MYO1D: variants seen among roughly 807,000 people sequenced by gnomAD.
The protein encoded by MYO1D is myosin ID.
MYO1D carries 83 observed loss-of-function variants against 122.0 expected under a neutral mutation model. That is an observed-to-expected ratio of 0.68 (90% CI 0.57 to 0.82). The LOEUF is 0.82. Ranked by LOEUF, MYO1D falls within the 40% of genes least tolerant of loss-of-function variation. The probability of loss-of-function intolerance (pLI) is 0.00; values close to 1 mark genes in which losing one functional copy is unlikely to be tolerated. For synonymous variants in MYO1D, 464 were observed against 446.9 expected, an observed-to-expected ratio of 1.04 and a Z score of -0.48; for missense variants, 1,157 against 1,269.5, an observed-to-expected ratio of 0.91 and a Z score of 1.35.
chr17:32,688,776 T>C (rs777549245), intron 16 of MYO1D, among the ~76,000 whole-genome samples: 1 of 152,152 alleles, frequency 6.6e-6, no homozygotes, highest in Non-Finnish European at 1.5e-5. Context: ...ATTGTGATGC[T>C]GTGCAGATCC....
chr17:32,584,409 T>A (rs780092400), intron 21 of MYO1D, among the ~76,000 whole-genome samples: 9 of 152,200 alleles, frequency 5.9e-5, no homozygotes, highest in African/African-American at 2.2e-4. Flanking sequence ...ACACTGACTT[T>A]TACATTATTC....
At chr17:32,803,671 C>T (rs2090480182) in intron 1 of MYO1D, among the ~76,000 whole-genome samples, 1 of 152,174 alleles carries the variant, frequency 6.6e-6, no homozygotes, top group Non-Finnish European at 1.5e-5. Flanking sequence ...AGGCAATACA[C>T]ACTTTGCAAA....
intron 8 of MYO1D, 115 bp downstream of exon 8, chr17:32,764,763 G>T: frequency 9.1e-7 from 1 of 1,093,686 alleles, no homozygotes; most frequent in Non-Finnish European, 1.4e-6. Flanking sequence ...GTATCATTAT[G>T]GTTTCTAAAA....
chr17:32,661,790 A>C (rs776510731), intron 16 of MYO1D, among the ~76,000 whole-genome samples: 1 of 152,198 alleles, frequency 6.6e-6, no homozygotes, highest in Non-Finnish European at 1.5e-5. Flanking sequence ...CTACCTTCCC[A>C]ATCATAGTTA....
chr17:32,836,694 TACC>T (rs1472203976), intron 1 of MYO1D, among the ~76,000 whole-genome samples: 3 of 152,192 alleles, frequency 2.0e-5, no homozygotes, highest in East Asian at 1.9e-4. Flanking sequence ...TATAGGAATA[TACC>T]ACAATTTAAT....
At chr17:32,708,256 A>C (rs1004683239) in intron 16 of MYO1D, among the ~76,000 whole-genome samples, 6 of 152,336 alleles carry the variant, frequency 3.9e-5, no homozygotes, top group Non-Finnish European at 8.8e-5. Flanking sequence ...TCTTCTTTAT[A>C]TTATTTTAGA....
At position 32,748,997 on chromosome 17, in the gene MYO1D, A is replaced by G. The variant is rs745948202; in HGVS notation, c.1477T>C (p.Ser493Pro). ...CGATCAAACTCCAGAATTTTGTCTG[A>G]GGCACAGAGCTAAGGAATCAAGAAG... is the stretch of plus-strand genomic sequence containing the variant. ...AHFSSRKLCA[S>P]DKILEFDRDF... is the part of the protein sequence containing the mutation. Residue 493 changes from serine to proline, a missense_variant, in exon 12 of 22, where the codon TCA (serine) becomes CCA (proline). By Grantham distance (74) the Ser-to-Pro change is moderately conservative. Transcript: ENST00000318217. 6 of 1,613,054 alleles carry G rather than the reference A, an allele frequency of 3.7e-6. No individual in the cohort carries two copies. The highest frequency in any genetic ancestry group is 8.5e-7 in the Non-Finnish European group (1 of 1,179,180).
chr17:32,844,707 A>G (rs538589767), intron 1 of MYO1D, among the ~76,000 whole-genome samples: 1 of 152,118 alleles, frequency 6.6e-6, no homozygotes, highest in Admixed American at 6.5e-5. Flanking sequence ...CCTGGATGAC[A>G]GGGCAAGACC....
rs189354635 is a variant in MYO1D at position 32,830,858 on chromosome 17, G to A, written c.95+45920C>T. 2.5e-4 allele frequency among the ~76,000 whole-genome samples: 38 copies of A among 152,280 alleles called. 1 individual carries two copies. The highest frequency in any genetic ancestry group is 9.1e-4 in the African/African-American group (38 of 41,570). ...GCAGATCACGAAGTCAGGAGATGGA[G>A]ACCAACCTGTGTAACGGTGAAACCC... is the stretch of plus-strand genomic sequence containing the variant. On this transcript the variant is annotated intron_variant, in intron 1 of 21. Coordinates refer to ENST00000318217, the MANE Select transcript of MYO1D (RefSeq NM_015194.3).
Position 32,528,684 on chromosome 17 carries a change from A to C in MYO1D, c.2865-33769T>G, listed in dbSNP as rs567576242. 7.9e-5 allele frequency among the ~76,000 whole-genome samples: 12 copies of C among 152,256 alleles called. No individual in the cohort carries two copies. In the South Asian group the frequency reaches 2.3e-3, roughly 29 times the overall value. Reference sequence around the variant, plus strand: ...TAGATACAATCACAAGTATTCTTTTAAAAGAGAGGCAGAGGGAGATCTGAC... The same window carrying C: ...TAGATACAATCACAAGTATTCTTTTCAAAGAGAGGCAGAGGGAGATCTGAC... On this transcript the variant is annotated intron_variant, in intron 21 of 21. Transcript: ENST00000318217.
intron 14 of MYO1D, among the ~76,000 whole-genome samples, chr17:32,728,036 T>G (rs1420993526): frequency 2.0e-5 from 3 of 151,922 alleles, no homozygotes; most frequent in Non-Finnish European, 4.4e-5. Context: ...TCTCTAAATA[T>G]TTACACAAAA....
intron 20 of MYO1D, among the ~76,000 whole-genome samples, chr17:32,615,161 G>T (rs1422810489): frequency 3.3e-5 from 5 of 152,192 alleles, no homozygotes; most frequent in Admixed American, 2.0e-4. Context: ...GGAGTAGGGT[G>T]CTCCTATAAC....
At chr17:32,610,980 T>C (rs2087693494) in intron 20 of MYO1D, among the ~76,000 whole-genome samples, 1 of 152,216 alleles carries the variant, frequency 6.6e-6, no homozygotes, top group Non-Finnish European at 1.5e-5. Context: ...AGCCTTCCCC[T>C]TCTTTGGCCT....
At chr17:32,836,169 ATTT>A (rs1263309220) in intron 1 of MYO1D, among the ~76,000 whole-genome samples, 1 of 152,208 alleles carries the variant, frequency 6.6e-6, no homozygotes, top group East Asian at 1.9e-4. Flanking sequence ...AACATATAAT[ATTT>A]TTAAGTATTT....
intron 13 of MYO1D, among the ~76,000 whole-genome samples, chr17:32,740,069 A>G (rs1012240705): frequency 6.6e-6 from 1 of 152,228 alleles, no homozygotes; most frequent in Non-Finnish European, 1.5e-5. Context: ...ACATAGATGT[A>G]TATTGTTTTT....
At chr17:32,715,192 G>A (rs2089427965) in intron 15 of MYO1D, among the ~76,000 whole-genome samples, 1 of 152,126 alleles carries the variant, frequency 6.6e-6, no homozygotes, top group African/African-American at 2.4e-5. Flanking sequence ...AGAGAAACAG[G>A]AACACTTTTA....
rs1427149258 is a variant in MYO1D, at chr17:32,711,872, A to G, written c.2121+116T>C. Reference sequence around the variant, plus strand: ...CAACAGAAAACATTTTAAGATATGCATAGACATAAAACAACATATCTTCCA... The same window carrying G: ...CAACAGAAAACATTTTAAGATATGCGTAGACATAAAACAACATATCTTCCA... On this transcript the variant is annotated intron_variant, in intron 16 of 21. Coordinates refer to ENST00000318217, the MANE Select transcript of MYO1D (RefSeq NM_015194.3). The G allele has an allele frequency of 3.5e-6, 3 of 866,018 alleles. No individual in the cohort carries two copies. In the African/African-American group the frequency reaches 5.1e-5, roughly 15 times the overall value. The allele number at this position is 866,018 out of a possible 1,614,324, so 53.6% of individuals were successfully genotyped here.
chr17:32,705,627 A>C (rs1676385316), intron 16 of MYO1D, among the ~76,000 whole-genome samples: 1 of 152,132 alleles, frequency 6.6e-6, no homozygotes, highest in Admixed American at 6.5e-5. Context: ...AAGACTATAC[A>C]TTTTTTTATG....
intron 11 of MYO1D, among the ~76,000 whole-genome samples, chr17:32,750,933 A>C (rs2089892337): frequency 6.6e-6 from 1 of 152,158 alleles, no homozygotes; most frequent in Admixed American, 6.6e-5. Flanking sequence ...CTCTCTTATT[A>C]ACCCCTTTTA....
Sources: gnomAD v4.1 joint callset for allele counts (sites outside exome capture counted in the v4.1 genomes callset) on GRCh38, gnomAD v4.1.1 for gene constraint, MANE v1.5 for transcripts, NCBI Gene and HGNC (gene_info 2026-07-23, HGNC 2026-07-21) for gene names.